Variants in DSCAM observed in about 807,000 individuals in gnomAD.
The protein encoded by DSCAM is cell adhesion molecule DSCAM.
A neutral mutation model predicts 217.7 loss-of-function variants in DSCAM; 47 were observed. The observed-to-expected ratio is 0.22, with a 90% CI of 0.17 to 0.28. DSCAM has a LOEUF of 0.28. DSCAM is among the 10% of genes least tolerant of loss of function. The probability of loss-of-function intolerance (pLI) is 1.00; values close to 1 mark genes in which losing one functional copy is unlikely to be tolerated. For missense variants in DSCAM, 2,080 were observed against 2,618.3 expected (o/e 0.79, Z 4.49); for synonymous variants, 1,056 against 1,015.3 (o/e 1.04, Z -0.76).
rs1200839815 is a variant in DSCAM at position 40,701,920 on chromosome 21, C to A, written c.361+6534G>T. ...TTGTGCTGTTGTTGGATAGAATGTTCTTTATTTAAAGGTCAATTACATCAA... is the reference window on the plus strand; with the variant it reads ...TTGTGCTGTTGTTGGATAGAATGTTATTTATTTAAAGGTCAATTACATCAA... On this transcript the variant is annotated intron_variant, in intron 2 of 32. Transcript: ENST00000400454. Among the ~76,000 whole-genome samples, 4 of 152,008 alleles carry A rather than the reference C, an allele frequency of 2.6e-5. No individual in the cohort carries two copies. The South Asian group carries it at 6.2e-4, about 24-fold the overall frequency.
rs1178045728 is a variant in DSCAM, at chr21:40,552,949, G to A, written c.508+139861C>T. ...AAAAGTAAAACATTATACAGCTCATGTGGAAACAGCTTTCTAATTTTTTTA... is the reference window on the plus strand; with the variant it reads ...AAAAGTAAAACATTATACAGCTCATATGGAAACAGCTTTCTAATTTTTTTA... On this transcript the variant is annotated intron_variant, in intron 3 of 32. Coordinates refer to ENST00000400454, the MANE Select transcript of DSCAM (RefSeq NM_001389.5). Among the ~76,000 whole-genome samples the A allele has an allele frequency of 3.1e-5, 4 of 129,094 alleles. No individual in the cohort carries two copies. In the East Asian group the frequency reaches 9.5e-4, roughly 31 times the overall value. The allele number at this position is 129,094 out of a possible 152,430, so 84.7% of individuals were successfully genotyped here. A position where few individuals can be genotyped will look rare whatever the true frequency, so the allele number is the denominator to read the frequency against.
intron 3 of DSCAM, among the ~76,000 whole-genome samples, chr21:40,580,806 A>G (rs570215760): frequency 1.6e-4 from 24 of 152,328 alleles, no homozygotes; most frequent in Admixed American, 5.9e-4. Flanking sequence ...ATGACTAACT[A>G]AAGAAAAACA....
At chr21:40,471,232 G>A (rs2075885590) in intron 3 of DSCAM, among the ~76,000 whole-genome samples, 1 of 152,172 alleles carries the variant, frequency 6.6e-6, no homozygotes. Context: ...TGCAGAAAAA[G>A]TCATCTGTTT....
chr21:40,099,710 C>A (rs1436574251), intron 20 of DSCAM, among the ~76,000 whole-genome samples: 1 of 152,194 alleles, frequency 6.6e-6, no homozygotes, highest in African/African-American at 2.4e-5. Context: ...TGCCTTCTTT[C>A]CTAACAAGAG....
chr21:40,565,319 G>A (rs112699875), intron 3 of DSCAM, among the ~76,000 whole-genome samples: 1 of 152,246 alleles, frequency 6.6e-6, no homozygotes, highest in Non-Finnish European at 1.5e-5. Flanking sequence ...TTATAGAACA[G>A]AGAAGCCATC....
chr21:40,624,615 C>T (rs1429441056), intron 3 of DSCAM, among the ~76,000 whole-genome samples: 1 of 152,132 alleles, frequency 6.6e-6, no homozygotes, highest in African/African-American at 2.4e-5. Context: ...AGAAGGAAGG[C>T]TGGCAGGACA....
intron 3 of DSCAM, among the ~76,000 whole-genome samples, chr21:40,510,427 G>A (rs564896317): frequency 6.6e-6 from 1 of 152,274 alleles, no homozygotes; most frequent in East Asian, 1.9e-4. Flanking sequence ...CAAAATGTTA[G>A]TATTGTTGAC....
intron 1 of DSCAM, among the ~76,000 whole-genome samples, chr21:40,834,426 A>AAATAATAAT (rs57612141): frequency 1.2e-3 from 173 of 141,504 alleles, no homozygotes; most frequent in Non-Finnish European, 1.6e-3. Context: ...AATAATAATA[A>AAATAATAAT]AATAATAATA....
intron 3 of DSCAM, among the ~76,000 whole-genome samples, chr21:40,474,533 G>A (rs2075917078): frequency 6.6e-6 from 1 of 152,112 alleles, no homozygotes; most frequent in Non-Finnish European, 1.5e-5. Context: ...TAAAAATGGA[G>A]CAGCAGCCGC....
At chr21:40,173,430 C>G (rs1374867211) in intron 15 of DSCAM, among the ~76,000 whole-genome samples, 1 of 152,128 alleles carries the variant, frequency 6.6e-6, no homozygotes, top group Non-Finnish European at 1.5e-5. Context: ...AGCAAGAAGG[C>G]CGATAACTTT....
rs118115936 is a variant in DSCAM at position 40,047,418 on chromosome 21, G to T, written c.5186-3143C>A. Among the ~76,000 whole-genome samples the T allele has an allele frequency of 5.6e-3, 849 of 152,158 alleles. 3 individuals carry two copies. The highest frequency in any genetic ancestry group is 8.9e-3 in the Non-Finnish European group (604 of 68,006). On this transcript the variant is annotated intron_variant, in intron 30 of 32. Coordinates refer to ENST00000400454, the MANE Select transcript of DSCAM (RefSeq NM_001389.5). ...CAGCATTCTAATATAAATAAAACTC[G>T]GTGATTAAGCTTCATGCCTGCTCAG... is the stretch of plus-strand genomic sequence containing the variant.
intron 3 of DSCAM, among the ~76,000 whole-genome samples, chr21:40,461,830 T>C (rs2075808394): frequency 6.6e-6 from 1 of 152,172 alleles, no homozygotes; most frequent in African/African-American, 2.4e-5. Flanking sequence ...GACTAATGGA[T>C]TGTGAGTCAA....
chr21:40,598,398 G>A (rs756669511), intron 3 of DSCAM, among the ~76,000 whole-genome samples: 2 of 152,074 alleles, frequency 1.3e-5, no homozygotes, highest in Non-Finnish European at 2.9e-5. Context: ...AGATTTTTAC[G>A]GGGAAATAAG....
At chr21:40,337,528 AT>A (rs1445323400) in intron 8 of DSCAM, among the ~76,000 whole-genome samples, 1 of 152,200 alleles carries the variant, frequency 6.6e-6, no homozygotes, top group Non-Finnish European at 1.5e-5. Flanking sequence ...GTCAATTCAA[AT>A]TGCAGGATCT....
At chr21:40,745,296 A>T (rs1201968364) in intron 1 of DSCAM, among the ~76,000 whole-genome samples, 1 of 152,192 alleles carries the variant, frequency 6.6e-6, no homozygotes, top group Non-Finnish European at 1.5e-5. Flanking sequence ...GTATCCAAGT[A>T]TAAAAAGCTC....
chr21:40,081,344 C>T (rs2089453355), intron 24 of DSCAM, among the ~76,000 whole-genome samples: 1 of 152,084 alleles, frequency 6.6e-6, no homozygotes, highest in Non-Finnish European at 1.5e-5. Flanking sequence ...CTGCACACTA[C>T]AGTGTCTCCT....
intron 3 of DSCAM, among the ~76,000 whole-genome samples, chr21:40,476,518 T>A (rs531953578): frequency 6.6e-6 from 1 of 152,264 alleles, no homozygotes; most frequent in South Asian, 2.1e-4. Context: ...TAATAAGAGG[T>A]ATGTTTAAAA....
At chr21:40,641,435 T>C (rs2089878323) in intron 3 of DSCAM, among the ~76,000 whole-genome samples, 1 of 152,230 alleles carries the variant, frequency 6.6e-6, no homozygotes, top group African/African-American at 2.4e-5. Flanking sequence ...AAAGAAGCCT[T>C]TTGTTTCCTG....
chr21:40,276,784 C>T lies in DSCAM; in HGVS notation c.2183-514G>A, dbSNP rs571764141. ...CGGTGGTTATATTCCGGTCTAGACA[C>T]ACAATACACCATTAATATCATTTAA... On this transcript the variant is annotated intron_variant, in intron 10 of 32. Coordinates refer to ENST00000400454, the MANE Select transcript of DSCAM (RefSeq NM_001389.5). Among the ~76,000 whole-genome samples, 21 of 152,268 alleles carry T rather than the reference C, an allele frequency of 1.4e-4. No individual in the cohort carries two copies. The South Asian group carries it at 2.7e-3, about 20-fold the overall frequency.
Sources: gnomAD v4.1 joint callset for allele counts (sites outside exome capture counted in the v4.1 genomes callset) on GRCh38, gnomAD v4.1.1 for gene constraint, MANE v1.5 for transcripts, NCBI Gene and HGNC (gene_info 2026-07-23, HGNC 2026-07-21) for gene names.